The following UNC13C variants were observed in gnomAD, a reference collection of about 807,000 sequenced individuals.
UNC13C encodes the protein unc-13 homolog C, also known as protein unc-13 homolog C.
UNC13C carries 174 observed loss-of-function variants against 245.4 expected under a neutral mutation model. The observed-to-expected ratio is 0.71, with a 90% CI of 0.63 to 0.80. UNC13C has a LOEUF of 0.80. Ranked by LOEUF, UNC13C falls within the 30% of genes least tolerant of loss-of-function variation. The pLI, the probability that UNC13C is intolerant of heterozygous loss-of-function variation, is 0.00. For synonymous variants in UNC13C, 992 were observed against 895.1 expected, an observed-to-expected ratio of 1.11 and a Z score of -1.93; for missense variants, 2,829 against 2,602.9, an observed-to-expected ratio of 1.09 and a Z score of -1.89.
intron 19 of UNC13C, among the ~76,000 whole-genome samples, chr15:54,434,556 T>C (rs1269384248): frequency 7.9e-5 from 12 of 152,130 alleles, no homozygotes; most frequent in Admixed American, 7.9e-4. Flanking sequence ...ACTGGACCCC[T>C]TTCTTACACC....
intron 19 of UNC13C, among the ~76,000 whole-genome samples, chr15:54,441,984 T>G (rs1890552423): frequency 6.6e-6 from 1 of 152,172 alleles, no homozygotes; most frequent in African/African-American, 2.4e-5. Context: ...TAGTTCATTA[T>G]TATTGTATAG....
At chr15:54,530,415 C>A (rs1895683124) in intron 25 of UNC13C, among the ~76,000 whole-genome samples, 1 of 152,166 alleles carries the variant, frequency 6.6e-6, no homozygotes, top group Non-Finnish European at 1.5e-5. Flanking sequence ...CCTCTTTGTG[C>A]CAAGCATGGC....
chr15:54,550,756 C>T (rs1896699525), intron 28 of UNC13C, among the ~76,000 whole-genome samples: 1 of 152,146 alleles, frequency 6.6e-6, no homozygotes, highest in Non-Finnish European at 1.5e-5. Context: ...CACTGCCAAA[C>T]TATTATTTTG....
downstream of UNC13C, chr15:54,632,591 A>G (rs185852866): frequency 6.6e-6 from 1 of 152,312 alleles, no homozygotes; most frequent in Non-Finnish European, 1.5e-5. Flanking sequence ...TTTCATAGGC[A>G]TGTCCAATTG....
At chr15:54,320,163 G>A (rs1001893914) in intron 13 of UNC13C, among the ~76,000 whole-genome samples, 10 of 152,042 alleles carry the variant, frequency 6.6e-5, no homozygotes, top group African/African-American at 2.2e-4. Flanking sequence ...TGAGAGGAGG[G>A]TGTCTTGCTA....
the UNC13C span, among the ~76,000 whole-genome samples, chr15:53,874,870 C>T: frequency 1.2e-4 from 18 of 152,042 alleles, no homozygotes; most frequent in Non-Finnish European, 2.1e-4. Flanking sequence ...CCAAGGCGGG[C>T]GGATCATGAG....
the UNC13C span, among the ~76,000 whole-genome samples, chr15:53,875,594 A>T: frequency 6.6e-6 from 1 of 152,106 alleles, no homozygotes; most frequent in South Asian, 2.1e-4. Flanking sequence ...ATGTGATGGG[A>T]ACTGCATTTG....
chr15:54,604,686 T>A (rs560876669), intron 30 of UNC13C, among the ~76,000 whole-genome samples: 5 of 152,302 alleles, frequency 3.3e-5, no homozygotes, highest in Non-Finnish European at 7.4e-5. Flanking sequence ...GGTGGGATAA[T>A]ATTTCCACTT....
intron 2 of UNC13C, among the ~76,000 whole-genome samples, chr15:54,021,258 C>T (rs982770004): frequency 6.6e-6 from 1 of 152,068 alleles, no homozygotes; most frequent in Non-Finnish European, 1.5e-5. Context: ...GGTCACCATA[C>T]CGTGCAGTAG....
intron 7 of UNC13C, among the ~76,000 whole-genome samples, chr15:54,238,106 T>C (rs1304514117): frequency 2.4e-5 from 3 of 125,772 alleles, no homozygotes; most frequent in Non-Finnish European, 1.6e-5. Flanking sequence ...AGACAGAATC[T>C]CACTCTGTTG....
chr15:54,467,010 C>G (rs967281751), intron 19 of UNC13C, among the ~76,000 whole-genome samples: 2 of 151,788 alleles, frequency 1.3e-5, no homozygotes, highest in Non-Finnish European at 3.0e-5. Context: ...TAGTTCCAAA[C>G]CTGACTGTGC....
chr15:54,304,089 T>C (rs1028301342), intron 13 of UNC13C, among the ~76,000 whole-genome samples: 1 of 152,056 alleles, frequency 6.6e-6, no homozygotes, highest in East Asian at 1.9e-4. Context: ...AGTAAATATT[T>C]TGTAGTTGTA....
intron 13 of UNC13C, among the ~76,000 whole-genome samples, chr15:54,302,526 AAC>A (rs1194723094): frequency 2.6e-5 from 4 of 152,172 alleles, no homozygotes; most frequent in African/African-American, 9.7e-5. Flanking sequence ...CAGTTTTCCC[AAC>A]ACCATTTATT....
chr15:54,191,778 T>G (rs2034192013), intron 4 of UNC13C, among the ~76,000 whole-genome samples: 1 of 152,218 alleles, frequency 6.6e-6, no homozygotes, highest in South Asian at 2.1e-4. Context: ...ATTGTGGTTT[T>G]GATTTGCATT....
At chr15:54,611,239 A>G (rs1028536375) in intron 30 of UNC13C, among the ~76,000 whole-genome samples, 10 of 152,190 alleles carry the variant, frequency 6.6e-5, no homozygotes, top group African/African-American at 2.4e-4. Context: ...GATAAGAGGT[A>G]AATTTGTTTA....
In UNC13C at chr15:54,079,584, G is replaced by A. The variant is rs1312856844; in HGVS notation, c.2984-63434G>A. Among the ~76,000 whole-genome samples the A allele has an allele frequency of 2.0e-5, 3 of 152,058 alleles. No individual in the cohort carries two copies. The South Asian group carries it at 6.2e-4, about 32-fold the overall frequency. ...TTTTGTGTGTGGCTATTATAAATGG[G>A]ATTGAGTTTTTCATTTGGTTCTCAG... On this transcript the variant is annotated intron_variant, in intron 2 of 32. Coordinates refer to ENST00000260323, the MANE Select transcript of UNC13C (RefSeq NM_001080534.3).
chr15:54,423,058 T>G (rs750659546), intron 19 of UNC13C, among the ~76,000 whole-genome samples: 13 of 151,794 alleles, frequency 8.6e-5, no homozygotes, highest in Non-Finnish European at 1.5e-4. Flanking sequence ...TCTTCATAGC[T>G]GTGTGTGTAC....
chr15:54,081,562 G>A (rs1041515333), intron 2 of UNC13C, among the ~76,000 whole-genome samples: 4 of 151,654 alleles, frequency 2.6e-5, no homozygotes, highest in East Asian at 1.9e-4. Context: ...TATTTTTACT[G>A]TTGTTTTAAA....
the UNC13C span, among the ~76,000 whole-genome samples, chr15:53,858,536 C>G: frequency 2.6e-5 from 4 of 151,940 alleles, no homozygotes; most frequent in African/African-American, 9.6e-5. Flanking sequence ...TTCTCCTTCC[C>G]CAGCCTTCTG....
Sources: gnomAD v4.1 joint callset for allele counts (sites outside exome capture counted in the v4.1 genomes callset) on GRCh38, gnomAD v4.1.1 for gene constraint, MANE v1.5 for transcripts, NCBI Gene and HGNC (gene_info 2026-07-23, HGNC 2026-07-21) for gene names.